SNTG1: variants seen among roughly 807,000 people sequenced by gnomAD.
SNTG1 encodes the protein gamma-1-syntrophin.
A neutral mutation model predicts 74.7 loss-of-function variants in SNTG1; 39 were observed. That is an observed-to-expected ratio of 0.52 (90% CI 0.40 to 0.68). The LOEUF (loss-of-function observed/expected upper bound fraction) is 0.68. Ranked by LOEUF, SNTG1 falls within the 30% of genes least tolerant of loss-of-function variation. SNTG1 has a pLI of 0.00. For missense variants in SNTG1, 685 were observed against 609.5 expected (o/e 1.12, Z -1.30); for synonymous variants, 254 against 217.1 (o/e 1.17, Z -1.49).
intron 15 of SNTG1, among the ~76,000 whole-genome samples, chr8:50,693,834 A>G (rs7006567): frequency 0.11 from 16,047 of 152,238 alleles, 2,389 homozygotes; most frequent in African/African-American, 0.33. Flanking sequence ...ATATATGAAT[A>G]TTAAACAACA....
intron 2 of SNTG1, among the ~76,000 whole-genome samples, chr8:50,248,056 C>T (rs543936252): frequency 9.2e-5 from 14 of 152,172 alleles, no homozygotes; most frequent in African/African-American, 3.1e-4. Context: ...TTGTGTCTTT[C>T]TCTGTACCCA....
intron 13 of SNTG1, among the ~76,000 whole-genome samples, chr8:50,627,910 G>A (rs1048471528): frequency 6.6e-6 from 1 of 152,096 alleles, no homozygotes; most frequent in Non-Finnish European, 1.5e-5. Flanking sequence ...GCATTACATA[G>A]GCATGATTGA....
At chr8:50,117,602 G>A (rs544516377) in intron 1 of SNTG1, among the ~76,000 whole-genome samples, 22 of 152,010 alleles carry the variant, frequency 1.4e-4, no homozygotes, top group African/African-American at 4.1e-4. Flanking sequence ...AATTGTTTTC[G>A]CTCCATTGCT....
chr8:49,950,857 G>A (rs191391780), intron 1 of SNTG1, among the ~76,000 whole-genome samples: 6 of 152,278 alleles, frequency 3.9e-5, no homozygotes, highest in East Asian at 1.9e-4. Context: ...ACAGCTCTGA[G>A]ACATGTGAAG....
chr8:50,226,153 T>A (rs1327164343), intron 2 of SNTG1, among the ~76,000 whole-genome samples: 2 of 152,208 alleles, frequency 1.3e-5, no homozygotes, highest in Non-Finnish European at 2.9e-5. Context: ...AAATGTTATA[T>A]ATATTGAGGA....
Position 50,559,511 on chromosome 8 carries a change from A to G in SNTG1, c.810+6332A>G, listed in dbSNP as rs188893981. The stretch of plus-strand genomic sequence containing the variant: ...CAAATAGTAAGCATACAGTAAGATG[A>G]TGATTTATATCCAAGTATAAGATAC... On this transcript the variant is annotated intron_variant, in intron 12 of 18. Coordinates refer to ENST00000642720, the MANE Select transcript of SNTG1 (RefSeq NM_018967.5). Among the ~76,000 whole-genome samples the G allele has an allele frequency of 4.2e-3, 646 of 152,292 alleles. 9 individuals are homozygous for G. Among genetic ancestry groups the G allele is most frequent in the African/African-American group, 0.014 (585 of 41,586 alleles).
In SNTG1 at chr8:49,924,310, T is replaced by G. The variant is rs562710658; in HGVS notation, c.-103+12079T>G. 2.0e-5 allele frequency among the ~76,000 whole-genome samples: 3 copies of G among 152,348 alleles called. No individual in the cohort carries two copies. In the South Asian group the frequency reaches 6.2e-4, roughly 32 times the overall value. ...AGGAAAAAAAGTTTGTTAGAAAATCTGTGTTCAACACTTGCTTTGCTGGCA... is the reference window on the plus strand; with the variant it reads ...AGGAAAAAAAGTTTGTTAGAAAATCGGTGTTCAACACTTGCTTTGCTGGCA... On this transcript the variant is annotated intron_variant, in intron 1 of 18. Transcript: ENST00000642720.
intron 4 of SNTG1, among the ~76,000 whole-genome samples, chr8:50,407,552 A>G (rs571321434): frequency 3.9e-5 from 6 of 152,222 alleles, no homozygotes; most frequent in Admixed American, 6.5e-5. Flanking sequence ...TTTCAGGTCT[A>G]TCACATTAGC....
At chr8:50,726,705 A>G (rs186333034) in intron 17 of SNTG1, among the ~76,000 whole-genome samples, 1 of 151,938 alleles carries the variant, frequency 6.6e-6, no homozygotes, top group Non-Finnish European at 1.5e-5. Context: ...AAAAATTAGC[A>G]GGGTGTGGTG....
intron 17 of SNTG1, among the ~76,000 whole-genome samples, chr8:50,713,005 G>A (rs1209830317): frequency 7.9e-5 from 12 of 152,038 alleles, no homozygotes; most frequent in Admixed American, 5.9e-4. Flanking sequence ...TAATCCTTTG[G>A]GTATATACCC....
intron 8 of SNTG1, among the ~76,000 whole-genome samples, chr8:50,492,380 T>C (rs1194193001): frequency 1.3e-5 from 2 of 152,180 alleles, no homozygotes; most frequent in Non-Finnish European, 2.9e-5. Context: ...TTCCTACTTC[T>C]CCACATCCTC....
intron 1 of SNTG1, among the ~76,000 whole-genome samples, chr8:49,927,902 G>A (rs1167973909): frequency 6.6e-6 from 1 of 151,986 alleles, no homozygotes; most frequent in Non-Finnish European, 1.5e-5. Flanking sequence ...AGATCACAAG[G>A]TCAGGAGTTC....
chr8:50,012,161 AT>A (rs1445815625), intron 1 of SNTG1, among the ~76,000 whole-genome samples: 3 of 152,152 alleles, frequency 2.0e-5, no homozygotes, highest in African/African-American at 7.2e-5. Context: ...ATTTCTTTAA[AT>A]TTAAAAAAAA....
chr8:50,701,708 TCATCTTCCTC>T (rs1179539757), intron 15 of SNTG1, among the ~76,000 whole-genome samples: 3 of 122,400 alleles, frequency 2.5e-5, no homozygotes, highest in Admixed American at 9.0e-5. Context: ...CTCTTCCTCT[TCATCTTCCTC>T]TTTTTCTTCT....
At chr8:50,530,104 T>A (rs889427289) in intron 9 of SNTG1, 73 bp from the exon 10 acceptor site, 12 of 1,162,420 alleles carry the variant, frequency 1.0e-5, no homozygotes, top group Non-Finnish European at 1.6e-5. Context: ...TCCTTGAAAG[T>A]GTAATGGAAT....
intron 2 of SNTG1, among the ~76,000 whole-genome samples, chr8:50,179,988 T>C (rs1371793565): frequency 2.0e-5 from 3 of 152,230 alleles, no homozygotes; most frequent in Non-Finnish European, 1.5e-5. Context: ...TTGTCTTTTC[T>C]TTGTAGCATT....
intron 18 of SNTG1, among the ~76,000 whole-genome samples, chr8:50,781,207 A>G (rs947086068): frequency 3.9e-5 from 6 of 152,176 alleles, no homozygotes; most frequent in African/African-American, 4.8e-5. Flanking sequence ...AGTTCTGTAG[A>G]TGTCTATTAA....
At chr8:50,411,159 A>G (rs1472363403) in intron 4 of SNTG1, among the ~76,000 whole-genome samples, 1 of 152,052 alleles carries the variant, frequency 6.6e-6, no homozygotes, top group Non-Finnish European at 1.5e-5. Flanking sequence ...TAAGACTAAG[A>G]AAAGGAAGGC....
chr8:50,445,189 G>A (rs140939399), intron 5 of SNTG1, among the ~76,000 whole-genome samples: 9 of 152,162 alleles, frequency 5.9e-5, no homozygotes, highest in African/African-American at 1.9e-4. Flanking sequence ...GGCAGGTAAC[G>A]ATAGCATCCA....
Sources: allele counts gnomAD v4.1 joint callset (sites outside exome capture counted in the v4.1 genomes callset), GRCh38; gene constraint gnomAD v4.1.1; transcripts MANE v1.5; gene names NCBI Gene and HGNC (gene_info 2026-07-23, HGNC 2026-07-21).